PSIP1: variants seen among roughly 807,000 people sequenced by gnomAD.
The protein encoded by PSIP1 is PC4 and SRSF1 interacting protein 1, also known as PC4 and SFRS1-interacting protein.
Under a neutral mutation model 74.7 loss-of-function variants are expected in PSIP1, and 19 were observed. The ratio of observed to expected loss-of-function variants is 0.25; its 90% CI spans 0.18 to 0.37. The LOEUF is 0.37. PSIP1 is among the 10% of genes least tolerant of loss of function. The probability of loss-of-function intolerance (pLI) is 1.00; values close to 1 mark genes in which losing one functional copy is unlikely to be tolerated. For synonymous variants in PSIP1, 222 were observed against 195.3 expected (o/e 1.14, Z -1.14); for missense variants, 601 against 614.3 (o/e 0.98, Z 0.23).
At chr9:15,500,688 T>A (rs1475839291) in intron 3 of PSIP1, among the ~76,000 whole-genome samples, 11 of 152,106 alleles carry the variant, frequency 7.2e-5, no homozygotes, top group Non-Finnish European at 1.5e-4. Flanking sequence ...AACTATAAAT[T>A]AGACGGGTTT....
rs184557182 is a variant in PSIP1, at chr9:15,501,191, T to C, written c.149+5370A>G. ...CAGTCAGTATTCAAAAACAAACTTC[T>C]GATCTAGTTGCTCTACATAAACGTT... is the stretch of plus-strand genomic sequence containing the variant. On this transcript the variant is annotated intron_variant, in intron 3 of 15. Coordinates refer to ENST00000380733, the MANE Select transcript of PSIP1 (RefSeq NM_033222.5). Among the ~76,000 whole-genome samples, 176 of 152,124 alleles carry C rather than the reference T, an allele frequency of 1.2e-3. 1 individual carries two copies. Among genetic ancestry groups the C allele is most frequent in the Admixed American group, 3.9e-3 (59 of 15,268 alleles).
chr9:15,464,068 T>C lies in PSIP1; in HGVS notation c.*1452A>G, dbSNP rs1041326702. 2.3e-5 allele frequency: 4 copies of C among 177,404 alleles called. No individual in the cohort carries two copies. The highest frequency in any genetic ancestry group is 6.3e-5 in the Admixed American group (1 of 15,826). 11.0% of individuals were successfully genotyped at this position (177,404 alleles called of 1,614,324 possible). A position where few individuals can be genotyped will look rare whatever the true frequency, so the allele number is the denominator to read the frequency against. ...AAGAAAGTAATTTACTAGCAGAGTT[T>C]GATAGAAAAATTCTTTAATGAAAAC... On this transcript the variant is annotated 3_prime_UTR_variant, in exon 16 of 16. Coordinates refer to ENST00000380733, the MANE Select transcript of PSIP1 (RefSeq NM_033222.5).
intron 14 of PSIP1, among the ~76,000 whole-genome samples, 160 bp from the exon 15 acceptor site, chr9:15,467,019 A>T (rs2035667192): frequency 9.5e-6 from 1 of 105,088 alleles, no homozygotes; most frequent in Non-Finnish European, 1.9e-5. Flanking sequence ...CCTCTCTTGA[A>T]TGTTAGAATT....
At position 15,464,621 on chromosome 9, in the gene PSIP1, A is replaced by G. The variant is rs182102969; in HGVS notation, c.*899T>C. Reference sequence around the variant, plus strand: ...TATAACATTTATTCATATTTATTGTATAAGCATCATGATTTTTTCTTCCAA... The same window carrying G: ...TATAACATTTATTCATATTTATTGTGTAAGCATCATGATTTTTTCTTCCAA... On this transcript the variant is annotated 3_prime_UTR_variant, in exon 16 of 16. Transcript: ENST00000380733. The G allele has an allele frequency of 5.1e-6, 1 of 197,722 alleles. No individual in the cohort carries two copies. Among genetic ancestry groups the G allele is most frequent in the African/African-American group, 2.3e-5 (1 of 43,352 alleles). The allele number at this position is 197,722 out of a possible 1,614,324, so 12.2% of individuals were successfully genotyped here.
chr9:15,499,164 C>A (rs1006600015), intron 3 of PSIP1, among the ~76,000 whole-genome samples: 1 of 152,146 alleles, frequency 6.6e-6, no homozygotes, highest in African/African-American at 2.4e-5. Context: ...TCTCAACTTG[C>A]AGTGTTCCTT....
chr9:15,472,323 A>C, intron 10 of PSIP1: 1 of 1,117,834 alleles, frequency 8.9e-7, no homozygotes, highest in South Asian at 3.0e-5. Context: ...TATATGTATT[A>C]TATTATACAA....
chr9:15,484,907 G>A (rs986529782), intron 6 of PSIP1, among the ~76,000 whole-genome samples: 6 of 82,462 alleles, frequency 7.3e-5, no homozygotes, highest in Non-Finnish European at 1.1e-4. Flanking sequence ...AGCGAGATCC[G>A]TCTCAAAAAA....
intron 3 of PSIP1, among the ~76,000 whole-genome samples, chr9:15,495,473 G>A (rs2037031633): frequency 6.6e-6 from 1 of 151,934 alleles, no homozygotes; most frequent in African/African-American, 2.4e-5. Context: ...AAATGCATAA[G>A]GAAATGAAAT....
chr9:15,509,725 T>G (rs1482602780), intron 2 of PSIP1, among the ~76,000 whole-genome samples: 2 of 152,234 alleles, frequency 1.3e-5, no homozygotes, highest in Non-Finnish European at 2.9e-5. Flanking sequence ...AGTGTTTGTG[T>G]GTAATCTGCA....
chr9:15,476,485 T>C lies in PSIP1; in HGVS notation c.629+1992A>G, dbSNP rs80242463. Among the ~76,000 whole-genome samples, 683 of 152,246 alleles carry C rather than the reference T, an allele frequency of 4.5e-3. 5 individuals are homozygous for C. The highest frequency in any genetic ancestry group is 0.016 in the African/African-American group (658 of 41,564). The stretch of plus-strand genomic sequence containing the variant: ...TGAATTTGATAGTGTTCAAGAAAGA[T>C]GTGTTCAAAAAAGATTAGCCTATTT... On this transcript the variant is annotated intron_variant, in intron 8 of 15. Transcript: ENST00000380733.
chr9:15,483,047 A>C (rs769899238), intron 6 of PSIP1, among the ~76,000 whole-genome samples: 1 of 152,102 alleles, frequency 6.6e-6, no homozygotes, highest in Non-Finnish European at 1.5e-5. Flanking sequence ...CCATAATTTC[A>C]CAGAGCAACC....
Position 15,471,257 on chromosome 9 carries a change from A to G in PSIP1, c.978-1264T>C, listed in dbSNP as rs552691212. ...CTGGGAATACAATACAATAAACTTTATTTTGCATAATGCATTTCACACAAG... is the reference window on the plus strand; with the variant it reads ...CTGGGAATACAATACAATAAACTTTGTTTTGCATAATGCATTTCACACAAG... On this transcript the variant is annotated intron_variant, in intron 10 of 15. Coordinates refer to ENST00000380733, the MANE Select transcript of PSIP1 (RefSeq NM_033222.5). 10 of 1,588,226 alleles carry G rather than the reference A, an allele frequency of 6.3e-6. No individual in the cohort carries two copies. In the South Asian group the frequency reaches 7.7e-5, roughly 12 times the overall value.
At chr9:15,471,570 CAAAG>C (rs1239229775) in intron 10 of PSIP1, 4 of 959,940 alleles carry the variant, frequency 4.2e-6, no homozygotes, top group African/African-American at 3.5e-5. Flanking sequence ...TGATAGGTGA[CAAAG>C]AATAACTTAA....
intron 6 of PSIP1, among the ~76,000 whole-genome samples, chr9:15,480,392 C>G (rs1277872898): frequency 6.6e-6 from 1 of 152,162 alleles, no homozygotes; most frequent in African/African-American, 2.4e-5. Context: ...TTAACTGTAT[C>G]ACTAAAGATA....
At chr9:15,479,106 T>C (rs1358766974) in intron 7 of PSIP1, among the ~76,000 whole-genome samples, 1 of 152,136 alleles carries the variant, frequency 6.6e-6, no homozygotes, top group Non-Finnish European at 1.5e-5. Context: ...GGTTTTGTTT[T>C]ACGAAGATTT....
intron 2 of PSIP1, among the ~76,000 whole-genome samples, chr9:15,507,971 C>T (rs1418798922): frequency 1.3e-5 from 2 of 152,182 alleles, no homozygotes; most frequent in Non-Finnish European, 2.9e-5. Flanking sequence ...TGCAAAAATC[C>T]TTAATCCCTT....
At chr9:15,472,417 T>C in intron 10 of PSIP1, 1 of 1,354,510 alleles carries the variant, frequency 7.4e-7, no homozygotes, top group Non-Finnish European at 9.4e-7. Context: ...TCAAAAATAA[T>C]TCACAGAGTG....
At chr9:15,491,232 C>CTTTA (rs1180701062) in intron 3 of PSIP1, among the ~76,000 whole-genome samples, 2 of 152,222 alleles carry the variant, frequency 1.3e-5, no homozygotes, top group Non-Finnish European at 2.9e-5. Flanking sequence ...TGAAAGAACA[C>CTTTA]TTTAGCATTA....
intron 3 of PSIP1, among the ~76,000 whole-genome samples, chr9:15,498,131 C>T (rs1027509151): frequency 2.6e-5 from 4 of 152,230 alleles, no homozygotes; most frequent in South Asian, 2.1e-4. Context: ...TGGGTCAAGC[C>T]GGGAATGGTG....
Sources: gnomAD v4.1 joint callset for allele counts (sites outside exome capture counted in the v4.1 genomes callset) on GRCh38, gnomAD v4.1.1 for gene constraint, MANE v1.5 for transcripts, NCBI Gene and HGNC (gene_info 2026-07-23, HGNC 2026-07-21) for gene names.